The following PCDHGA1 variants were observed in gnomAD, a reference collection of about 807,000 sequenced individuals.
PCDHGA1 encodes protocadherin gamma subfamily A, 1, also known as protocadherin gamma-A1.
A neutral mutation model predicts 58.0 loss-of-function variants in PCDHGA1; 32 were observed. That is an observed-to-expected ratio of 0.55 (90% confidence interval 0.42 to 0.74). PCDHGA1 has a LOEUF of 0.74. Among genes scored for constraint, PCDHGA1 ranks in the 30% least tolerant of loss-of-function variants. PCDHGA1 has a pLI of 0.00. For missense variants in PCDHGA1, 1,205 were observed against 1,182.3 expected (o/e 1.02, Z -0.28); for synonymous variants, 498 against 501.1 (o/e 0.99, Z 0.08).
chr5:141,423,603 C>G, intron 1 of PCDHGA1: 1 of 1,612,584 alleles, frequency 6.2e-7, no homozygotes. Flanking sequence ...GCGAGCCACT[C>G]TTGATAGCTG....
intron 1 of PCDHGA1, chr5:141,413,141 G>A: frequency 1.3e-6 from 2 of 1,564,906 alleles, no homozygotes; most frequent in Non-Finnish European, 1.7e-6. Context: ...AACGTGTCCA[G>A]TGAGGACTTT....
rs1376914747 is a variant in PCDHGA1, at chr5:141,432,008, A to T, written c.2422-62799A>T. On this transcript the variant is annotated intron_variant, in intron 1 of 3. Coordinates refer to ENST00000517417, the MANE Select transcript of PCDHGA1 (RefSeq NM_018912.3). This position sits in a 1 kb window ranked among gnomAD's most constrained non-coding sequence, Gnocchi z 6.0. ...AGTCTTGGATAGGGAACAGGTTCCT[A>T]GCTACAACATCACAGTGACCGCCAC... 1 of 1,614,200 alleles carries T rather than the reference A, an allele frequency of 6.2e-7. No homozygotes were observed. The highest frequency in any genetic ancestry group is 2.2e-5 in the East Asian group (1 of 44,888).
intron 1 of PCDHGA1, chr5:141,365,145 G>C (rs754518751): frequency 6.2e-7 from 1 of 1,613,864 alleles, no homozygotes; most frequent in Admixed American, 1.7e-5. Context: ...CCAGATGAGG[G>C]AATAAACGGG....
chr5:141,436,240 G>A (rs192988618), intron 1 of PCDHGA1, among the ~76,000 whole-genome samples: 2 of 152,200 alleles, frequency 1.3e-5, no homozygotes, highest in East Asian at 3.9e-4. Flanking sequence ...AGCTAACATG[G>A]TCTAATTATT....
intron 1 of PCDHGA1, chr5:141,428,335 T>G (rs535486665): frequency 3.3e-6 from 2 of 615,106 alleles, no homozygotes; most frequent in East Asian, 5.9e-5. Context: ...TTCTATGCTC[T>G]TCTTCCTCGC....
At chr5:141,336,720 G>T (rs1756633505) in intron 1 of PCDHGA1, among the ~76,000 whole-genome samples, 1 of 152,110 alleles carries the variant, frequency 6.6e-6, no homozygotes, top group African/African-American at 2.4e-5. Flanking sequence ...TCATAACATT[G>T]ATTTTTGGCA....
chr5:141,394,748 C>G (rs960054108), intron 1 of PCDHGA1: 7 of 1,613,296 alleles, frequency 4.3e-6, no homozygotes, highest in Non-Finnish European at 5.9e-6. Flanking sequence ...TCGTGGTGGC[C>G]GTCCAGGACC....
chr5:141,361,879 G>A (rs755410945), intron 1 of PCDHGA1: 5 of 1,610,512 alleles, frequency 3.1e-6, no homozygotes, highest in South Asian at 1.1e-5. Context: ...GCCACGCGCC[G>A]CAGAGCCCGG....
chr5:141,357,319 T>C, intron 1 of PCDHGA1: 6 of 1,614,060 alleles, frequency 3.7e-6, no homozygotes, highest in Non-Finnish European at 5.1e-6. Context: ...CTTCCTGGCT[T>C]TTGTCACGGT....
chr5:141,474,961 AATC>A (rs2099357151), intron 1 of PCDHGA1, among the ~76,000 whole-genome samples: 1 of 152,254 alleles, frequency 6.6e-6, no homozygotes, highest in African/African-American at 2.4e-5. Flanking sequence ...TCACTATCCT[AATC>A]ATTATAATTT....
chr5:141,404,705 G>A, intron 1 of PCDHGA1: 2 of 1,614,108 alleles, frequency 1.2e-6, no homozygotes, highest in South Asian at 2.2e-5. Flanking sequence ...TGCAGAGCCT[G>A]GCTACCTGGT....
Position 141,485,959 on chromosome 5 carries a change from C to A in PCDHGA1, c.2422-8848C>A, listed in dbSNP as rs758835557. The A allele has an allele frequency of 6.2e-7, 1 of 1,614,160 alleles. No homozygotes were observed. The highest frequency in any genetic ancestry group is 1.3e-5 in the African/African-American group (1 of 75,054). Reference sequence around the variant, plus strand: ...GCGCACCAGCGGGCATGGTGCTCATCCAGCTCAATGCCTCAGACCCGGACC... The same window carrying A: ...GCGCACCAGCGGGCATGGTGCTCATACAGCTCAATGCCTCAGACCCGGACC... On this transcript the variant is annotated intron_variant, in intron 1 of 3. Coordinates refer to ENST00000517417, the MANE Select transcript of PCDHGA1 (RefSeq NM_018912.3). The surrounding 1 kb of genome is among the most constrained non-coding windows in gnomAD (Gnocchi z 5.7).
chr5:141,501,290 T>TACACATACACAC (rs1224133816), intron 2 of PCDHGA1, among the ~76,000 whole-genome samples: 9 of 136,158 alleles, frequency 6.6e-5, no homozygotes, highest in Admixed American at 1.6e-4. Context: ...TATTCCCTTA[T>TACACATACACAC]ACACACACAC....
At chr5:141,344,213 G>A (rs749543351) in intron 1 of PCDHGA1, 2 of 1,614,048 alleles carry the variant, frequency 1.2e-6, no homozygotes, top group Admixed American at 1.7e-5. Flanking sequence ...GGGAGCTGGC[G>A]GAGCGCGGAG....
Position 141,370,565 on chromosome 5 carries a change from C to T in PCDHGA1, c.2421+37460C>T, listed in dbSNP as rs776498616. ...ACCTCGCCAAGGACCTGGGGTTTGG[C>T]GTGGGGGATTTACCTACTAGGAACC... On this transcript the variant is annotated intron_variant, in intron 1 of 3. Transcript: ENST00000517417. The T allele has an allele frequency of 1.9e-5, 31 of 1,613,664 alleles. No individual in the cohort carries two copies. In the Admixed American group the frequency reaches 5.2e-4, roughly 27 times the overall value.
Position 141,330,890 on chromosome 5 carries a change from G to C in PCDHGA1, c.206G>C (p.Arg69Thr), listed in dbSNP as rs1189831569. The change falls in exon 1 of 4, where the codon AGA (arginine) becomes ACA (threonine). Residue 69 changes from arginine (R) to threonine (T), a missense_variant. Arg to Thr is a moderately conservative substitution (Grantham distance 71). Coordinates refer to ENST00000517417, the MANE Select transcript of PCDHGA1 (RefSeq NM_018912.3). ...GATGGCGGAGTCCGCATCGTCTCCA[G>C]AGGTAGGATGCCGCTTTTCGCTCTG... is the stretch of plus-strand genomic sequence containing the variant. ...LADGGVRIVS[R>T]GRMPLFALNP... The C allele has an allele frequency of 8.7e-6, 14 of 1,614,122 alleles. No homozygotes were observed. The highest frequency in any genetic ancestry group is 1.1e-5 in the Non-Finnish European group (13 of 1,180,042).
At chr5:141,474,912 C>T (rs1018411233) in intron 1 of PCDHGA1, among the ~76,000 whole-genome samples, 6 of 152,214 alleles carry the variant, frequency 3.9e-5, no homozygotes, top group African/African-American at 1.2e-4. Flanking sequence ...CAAGGATATA[C>T]ATCTCATCTC....
At chr5:141,502,377 C>A (rs748121694) in intron 2 of PCDHGA1, among the ~76,000 whole-genome samples, 14 of 151,904 alleles carry the variant, frequency 9.2e-5, no homozygotes, top group Non-Finnish European at 1.3e-4. Flanking sequence ...AGAGTCCAGG[C>A]CAGTTGTACT....
Position 141,370,766 on chromosome 5 carries a change from G to C in PCDHGA1, c.2421+37661G>C, listed in dbSNP as rs1205087920. On this transcript the variant is annotated intron_variant, in intron 1 of 3. Transcript: ENST00000517417. ...TTTTTCATGTAACTGTGCTGATCCA[G>C]GATATTAACGACAACCCACCGACCT... The C allele has an allele frequency of 1.9e-6, 3 of 1,613,834 alleles. No homozygotes were observed. In the African/African-American group the frequency reaches 4.0e-5, roughly 22 times the overall value.
Sources: allele counts gnomAD v4.1 joint callset (sites outside exome capture counted in the v4.1 genomes callset), GRCh38; gene constraint gnomAD v4.1.1; non-coding constraint Gnocchi (gnomAD v3.1); transcripts MANE v1.5; gene names NCBI Gene and HGNC (gene_info 2026-07-23, HGNC 2026-07-21).